Variants in AFF3 observed in about 807,000 individuals in gnomAD.
AFF3 encodes the protein AF4/FMR2 family member 3.
In AFF3, 32 loss-of-function variants were observed where a neutral mutation model predicts 129.7. The observed-to-expected ratio is 0.25, with a 90% CI of 0.19 to 0.33. The LOEUF (loss-of-function observed/expected upper bound fraction) is 0.33. Ranked by LOEUF, AFF3 falls within the 10% of genes least tolerant of loss-of-function variation. The pLI is 1.00. For synonymous variants in AFF3, 644 were observed against 635.4 expected (o/e 1.01, Z -0.20); for missense variants, 1,373 against 1,592.0 (o/e 0.86, Z 2.34).
intron 1 of AFF3, among the ~76,000 whole-genome samples, chr2:100,137,531 G>T (rs1027835728): frequency 7.4e-6 from 1 of 135,336 alleles, no homozygotes; most frequent in Non-Finnish European, 1.6e-5. Flanking sequence ...ACGTGCACAC[G>T]TGCATACACA....
chr2:99,955,337 C>T (rs1676537761), intron 7 of AFF3, among the ~76,000 whole-genome samples: 1 of 152,100 alleles, frequency 6.6e-6, no homozygotes, highest in Non-Finnish European at 1.5e-5. Context: ...CATAATTATT[C>T]CAAGGCAGCA....
At chr2:99,675,778 C>G (rs1444760018) in intron 11 of AFF3, among the ~76,000 whole-genome samples, 1 of 152,182 alleles carries the variant, frequency 6.6e-6, no homozygotes, top group Non-Finnish European at 1.5e-5. Flanking sequence ...CCGCCTTCAC[C>G]AAACACACAA....
At chr2:99,709,247 C>A (rs1677683975) in intron 11 of AFF3, among the ~76,000 whole-genome samples, 1 of 152,158 alleles carries the variant, frequency 6.6e-6, no homozygotes, top group African/African-American at 2.4e-5. Flanking sequence ...GTTCAGGAGT[C>A]AAACTGGGTT....
At chr2:99,912,976 C>G (rs1051051361) in intron 7 of AFF3, among the ~76,000 whole-genome samples, 1 of 152,112 alleles carries the variant, frequency 6.6e-6, no homozygotes, top group Non-Finnish European at 1.5e-5. Flanking sequence ...TCCATCTGCG[C>G]CCCAACACAC....
intron 8 of AFF3, among the ~76,000 whole-genome samples, chr2:99,829,065 GA>G (rs1327091607): frequency 6.6e-6 from 1 of 152,206 alleles, no homozygotes; most frequent in East Asian, 1.9e-4. Flanking sequence ...ATATAAACAA[GA>G]GTTAAGTTCC....
intron 9 of AFF3, among the ~76,000 whole-genome samples, chr2:99,744,446 A>G (rs1183507286): frequency 1.3e-5 from 2 of 152,196 alleles, no homozygotes; most frequent in Non-Finnish European, 2.9e-5. Flanking sequence ...TGGTACTTTC[A>G]TAAGGTTGTG....
At chr2:100,045,298 G>A (rs964279918) in intron 4 of AFF3, among the ~76,000 whole-genome samples, 4 of 152,172 alleles carry the variant, frequency 2.6e-5, no homozygotes, top group African/African-American at 9.7e-5. Flanking sequence ...ACAGTCGCAT[G>A]TTCACCGGCG....
At chr2:99,731,336 T>C (rs1679816614) in intron 10 of AFF3, among the ~76,000 whole-genome samples, 1 of 152,224 alleles carries the variant, frequency 6.6e-6, no homozygotes, top group African/African-American at 2.4e-5. Context: ...AGGCAAGGTA[T>C]TTAATAGTCT....
At chr2:99,750,002 A>G (rs1681496678) in intron 9 of AFF3, among the ~76,000 whole-genome samples, 1 of 152,198 alleles carries the variant, frequency 6.6e-6, no homozygotes, top group Non-Finnish European at 1.5e-5. Flanking sequence ...CAAGAATCCT[A>G]CATCGTAACA....
chr2:99,924,877 ATTTT>A (rs113424483), intron 7 of AFF3, among the ~76,000 whole-genome samples: 1 of 144,418 alleles, frequency 6.9e-6, no homozygotes, highest in Admixed American at 7.0e-5. Context: ...TGATTTATTA[ATTTT>A]TTTTTTTTTT....
chr2:100,061,752 T>C (rs1443836115), intron 4 of AFF3, among the ~76,000 whole-genome samples: 2 of 150,682 alleles, frequency 1.3e-5, no homozygotes, highest in Non-Finnish European at 2.9e-5. Flanking sequence ...CTACTCTGAG[T>C]GAGAAACAGA....
chr2:99,727,743 G>A (rs2105004237), intron 10 of AFF3, among the ~76,000 whole-genome samples: 1 of 152,110 alleles, frequency 6.6e-6, no homozygotes, highest in East Asian at 1.9e-4. Context: ...TATATTTTTT[G>A]TAGAGACAGG....
At chr2:99,559,467 C>T (rs1559476377) in intron 21 of AFF3, among the ~76,000 whole-genome samples, 3 of 152,158 alleles carry the variant, frequency 2.0e-5, no homozygotes, top group Non-Finnish European at 4.4e-5. Flanking sequence ...TCATTATAAA[C>T]AACAAAAACA....
intron 11 of AFF3, among the ~76,000 whole-genome samples, chr2:99,718,600 C>T (rs1023815119): frequency 3.9e-5 from 6 of 152,152 alleles, no homozygotes; most frequent in Non-Finnish European, 5.9e-5. Flanking sequence ...TTTATGTCTA[C>T]TACTTCCTTT....
chr2:100,022,703 C>A lies in AFF3; in HGVS notation c.54-13771G>T, dbSNP rs141654579. 3.3e-3 allele frequency among the ~76,000 whole-genome samples: 500 copies of A among 152,290 alleles called. 3 individuals carry two copies. Among genetic ancestry groups the A allele is most frequent in the African/African-American group, 0.012 (484 of 41,566 alleles). On this transcript the variant is annotated intron_variant, in intron 4 of 24. Transcript: ENST00000672756. ...CTAAGATTACAGGCATGAGCCACTG[C>A]GCCTGGCCCTGTCTCTTTTTATGTT...
chr2:99,820,159 C>T (rs13411073), intron 8 of AFF3, among the ~76,000 whole-genome samples: 239 of 152,244 alleles, frequency 1.6e-3, no homozygotes, highest in African/African-American at 5.5e-3. Flanking sequence ...GTGAATTCGT[C>T]GTTGTGCAAG....
At chr2:99,884,502 G>C (rs552358066) in intron 7 of AFF3, among the ~76,000 whole-genome samples, 2 of 152,128 alleles carry the variant, frequency 1.3e-5, no homozygotes, top group African/African-American at 4.8e-5. Flanking sequence ...GGGTTCAAGA[G>C]ATTCTCCTGC....
chr2:99,803,409 A>G (rs1686112239), intron 8 of AFF3, among the ~76,000 whole-genome samples: 1 of 152,176 alleles, frequency 6.6e-6, no homozygotes, highest in Non-Finnish European at 1.5e-5. Flanking sequence ...GGGAGCTACA[A>G]AACACTACTG....
chr2:99,561,060 A>C (rs1161132482), intron 20 of AFF3, among the ~76,000 whole-genome samples: 1 of 152,242 alleles, frequency 6.6e-6, no homozygotes, highest in African/African-American at 2.4e-5. Flanking sequence ...CAAATTACAT[A>C]TGCAGACTCT....
Sources: allele counts gnomAD v4.1 joint callset (sites outside exome capture counted in the v4.1 genomes callset), GRCh38; gene constraint gnomAD v4.1.1; transcripts MANE v1.5; gene names NCBI Gene and HGNC (gene_info 2026-07-23, HGNC 2026-07-21).